The following ITGAV variants were observed in gnomAD, a reference collection of about 807,000 sequenced individuals.
The protein encoded by ITGAV is integrin alpha-V.
ITGAV carries 76 observed loss-of-function variants against 143.8 expected under a neutral mutation model. The ratio of observed to expected loss-of-function variants is 0.53; its 90% CI spans 0.44 to 0.64. The LOEUF (loss-of-function observed/expected upper bound fraction) is 0.64, where lower values mean the gene tolerates loss of function less well. Ranked by LOEUF, ITGAV falls within the 30% of genes least tolerant of loss-of-function variation. ITGAV has a pLI of 0.00. For synonymous variants in ITGAV, 453 were observed against 446.7 expected (o/e 1.01, Z -0.18); for missense variants, 1,193 against 1,274.7 (o/e 0.94, Z 0.98).
At chr2:186,621,238 A>G (rs373229938) in intron 2 of ITGAV, among the ~76,000 whole-genome samples, 3 of 152,192 alleles carry the variant, frequency 2.0e-5, no homozygotes, top group African/African-American at 7.2e-5. Context: ...GAAAATTTCA[A>G]TTTCAGTAAT....
In ITGAV at chr2:186,590,536, A is replaced by C. The variant is rs1176136133; in HGVS notation, c.185+13A>C. ...CCAGCGCGTCTTCGTAAGTGGCCGCACTTGGAACTGGAGCCGGCCCCCTCC... is the reference window on the plus strand; with the variant it reads ...CCAGCGCGTCTTCGTAAGTGGCCGCCCTTGGAACTGGAGCCGGCCCCCTCC... On this transcript the variant is annotated intron_variant, in intron 1 of 29. Transcript: ENST00000261023. The C allele has an allele frequency of 6.2e-7, 1 of 1,609,116 alleles. No homozygotes were observed. The highest frequency in any genetic ancestry group is 1.1e-5 in the South Asian group (1 of 90,636).
rs201391436 is a variant in ITGAV at position 186,602,037 on chromosome 2, G to C, written c.202G>C (p.Val68Leu). 6.2e-7 allele frequency: 1 copy of C among 1,608,496 alleles called. No individual in the cohort carries two copies. The highest frequency in any genetic ancestry group is 2.2e-5 in the East Asian group (1 of 44,722). The change falls in exon 2 of 30, where the codon GTG becomes CTG. Residue 68 changes from valine (V) to leucine (L), a missense_variant. By Grantham distance (32) the Val-to-Leu change is conservative. Transcript: ENST00000261023. The part of the protein sequence containing the change: ...PSASSRMFLL[V>L]GAPKANTTQP... The stretch of plus-strand genomic sequence containing the variant: ...GTATTTTAGCCGGATGTTTCTTCTC[G>C]TGGGAGCTCCCAAAGCAAACACCAC...
chr2:186,591,800 T>C lies in ITGAV; in HGVS notation c.185+1277T>C, dbSNP rs577585243. Among the ~76,000 whole-genome samples, 5 of 152,170 alleles carry C rather than the reference T, an allele frequency of 3.3e-5. No individual in the cohort carries two copies. In the South Asian group the frequency reaches 1.1e-3, roughly 33 times the overall value. On this transcript the variant is annotated intron_variant, in intron 1 of 29. Coordinates refer to ENST00000261023, the MANE Select transcript of ITGAV (RefSeq NM_002210.5). ...TTGTTAGTGGAGACATTATTTTATGTAGCAAGCTTAGTTTTATTTGTTGTT... is the reference window on the plus strand; with the variant it reads ...TTGTTAGTGGAGACATTATTTTATGCAGCAAGCTTAGTTTTATTTGTTGTT...
chr2:186,616,064 T>A (rs1687348690), intron 2 of ITGAV, among the ~76,000 whole-genome samples: 1 of 152,116 alleles, frequency 6.6e-6, no homozygotes, highest in Non-Finnish European at 1.5e-5. Context: ...ACTATTTCTT[T>A]GCCACTGAAT....
At chr2:186,661,326 TA>T (rs1574497352) in intron 18 of ITGAV, among the ~76,000 whole-genome samples, 1 of 152,196 alleles carries the variant, frequency 6.6e-6, no homozygotes, top group East Asian at 1.9e-4. Flanking sequence ...AGTTTTGTAG[TA>T]AGAGAATTAA....
intron 20 of ITGAV, 48 bp downstream of exon 20, chr2:186,664,689 T>C: frequency 6.2e-7 from 1 of 1,608,676 alleles, no homozygotes; most frequent in Non-Finnish European, 8.5e-7. Flanking sequence ...ACGGATCTTA[T>C]TAACATTAAT....
At chr2:186,610,195 G>T (rs1221430880) in intron 2 of ITGAV, among the ~76,000 whole-genome samples, 2 of 152,096 alleles carry the variant, frequency 1.3e-5, no homozygotes, top group Non-Finnish European at 2.9e-5. Flanking sequence ...TTTAAAAAAT[G>T]TGGAGTTTCA....
In ITGAV at chr2:186,678,599, A is replaced by G; in HGVS notation, c.*1307A>G. The G allele has an allele frequency of 3.0e-6, 1 of 334,612 alleles. No individual in the cohort carries two copies. Among genetic ancestry groups the G allele is most frequent in the Non-Finnish European group, 5.8e-6 (1 of 172,890 alleles). The allele number at this position is 334,612 out of a possible 1,614,324, so 20.7% of individuals were successfully genotyped here. On this transcript the variant is annotated 3_prime_UTR_variant, in exon 30 of 30. Coordinates refer to ENST00000261023, the MANE Select transcript of ITGAV (RefSeq NM_002210.5). ...CGTTAGTATAAATTACTTTTCTAGG[A>G]TTATTAATAAAAGCCACATAGGTGG...
At chr2:186,658,860 T>G (rs1378311353) in intron 17 of ITGAV, among the ~76,000 whole-genome samples, 178 bp from the exon 18 acceptor site, 1 of 152,136 alleles carries the variant, frequency 6.6e-6, no homozygotes, top group African/African-American at 2.4e-5. Flanking sequence ...GGCTCTTACT[T>G]GATAAGGATA....
At chr2:186,638,558 T>C (rs1247879401) in intron 10 of ITGAV, 93 bp downstream of exon 10, 2 of 861,330 alleles carry the variant, frequency 2.3e-6, no homozygotes, top group African/African-American at 1.7e-5. Context: ...AAAAATGAAC[T>C]ATAATCTCAT....
chr2:186,650,673 G>A (rs1480372754), intron 14 of ITGAV, among the ~76,000 whole-genome samples: 1 of 151,426 alleles, frequency 6.6e-6, no homozygotes, highest in Admixed American at 6.6e-5. Context: ...AGCCTCCCGA[G>A]TAGCTGGGAC....
intron 23 of ITGAV, 27 bp downstream of exon 23, chr2:186,667,257 C>G: frequency 6.7e-7 from 1 of 1,492,492 alleles, no homozygotes; most frequent in South Asian, 1.2e-5. Flanking sequence ...AGTTGAGTAT[C>G]TCATTCTCAT....
intron 11 of ITGAV, 166 bp from the exon 12 acceptor site, chr2:186,641,220 T>A: frequency 1.6e-6 from 1 of 627,502 alleles, no homozygotes; most frequent in East Asian, 2.7e-5. Flanking sequence ...CTTAAAAGAA[T>A]TAAAGGAAGT....
chr2:186,676,842 G>A lies in ITGAV; in HGVS notation c.2958G>A (p.Gln986=). The A allele has an allele frequency of 1.1e-5, 18 of 1,614,022 alleles. No homozygotes were observed. The highest frequency in any genetic ancestry group is 1.5e-5 in the Non-Finnish European group (18 of 1,179,932). Residue 986 remains glutamine, a synonymous_variant, in exon 29 of 30, where the codon CAG becomes CAA. Transcript: ENST00000261023. ...LVTTNVTWGI[Q]PAPMPVPVWV... ...CCACTAATGTCACCTGGGGCATTCAGCCAGCGCCCATGCCTGTGCCTGTGT... is the reference window on the plus strand; with the variant it reads ...CCACTAATGTCACCTGGGGCATTCAACCAGCGCCCATGCCTGTGCCTGTGT...
At chr2:186,656,823 A>G (rs1688602996) in intron 17 of ITGAV, among the ~76,000 whole-genome samples, 1 of 152,188 alleles carries the variant, frequency 6.6e-6, no homozygotes, top group Non-Finnish European at 1.5e-5. Flanking sequence ...AATTGCAGAC[A>G]CCAGCACAGG....
intron 10 of ITGAV, among the ~76,000 whole-genome samples, chr2:186,638,673 G>GTGTGT (rs1553502387): frequency 1.0e-5 from 1 of 99,012 alleles, no homozygotes. Context: ...TGTGTGTGTA[G>GTGTGT]TATATAAACA....
In ITGAV at chr2:186,668,775, G is replaced by A; in HGVS notation, c.2447G>A (p.Gly816Asp). Residue 816 changes from glycine (G) to aspartate (D), a missense_variant, in exon 25 of 30, where the codon GGT (glycine) becomes GAT (aspartate). Transcript: ENST00000261023. Reference sequence around the variant, plus strand: ...TTTTCTCCTTAGCTGAGAAACAATGGTCCAAGTTCATTCAGCAAGGCAATG... The same window carrying A: ...TTTTCTCCTTAGCTGAGAAACAATGATCCAAGTTCATTCAGCAAGGCAATG... ...VQHIYELRNN[G>D]PSSFSKAMLH... 2 of 1,613,226 alleles carry A rather than the reference G, an allele frequency of 1.2e-6. No individual in the cohort carries two copies. Among genetic ancestry groups the A allele is most frequent in the Non-Finnish European group, 1.7e-6 (2 of 1,179,766 alleles).
intron 2 of ITGAV, among the ~76,000 whole-genome samples, chr2:186,605,368 T>A (rs543890241): frequency 6.6e-6 from 1 of 152,324 alleles, no homozygotes; most frequent in African/African-American, 2.4e-5. Flanking sequence ...TCCCTAAATA[T>A]CCACTGAGTA....
At chr2:186,667,313 A>T in intron 23 of ITGAV, 83 bp downstream of exon 23, 1 of 989,332 alleles carries the variant, frequency 1.0e-6, no homozygotes, top group African/African-American at 1.6e-5. Context: ...TTTTCTGGAC[A>T]ATAGACCCTG....
Sources: gnomAD v4.1 joint callset for allele counts (sites outside exome capture counted in the v4.1 genomes callset) on GRCh38, gnomAD v4.1.1 for gene constraint, MANE v1.5 for transcripts, NCBI Gene and HGNC (gene_info 2026-07-23, HGNC 2026-07-21) for gene names.